Variants in HOXC13 observed in about 807,000 individuals in gnomAD.
HOXC13 encodes the protein homeobox C13.
HOXC13 carries 10 observed loss-of-function variants against 25.9 expected under a neutral mutation model. That is an observed-to-expected ratio of 0.39 (90% CI 0.24 to 0.65). The LOEUF is 0.65. Ranked by LOEUF, HOXC13 falls within the 30% of genes least tolerant of loss-of-function variation. The probability of loss-of-function intolerance (pLI) is 0.50; values close to 1 mark genes in which losing one functional copy is unlikely to be tolerated. For synonymous variants in HOXC13, 233 were observed against 217.1 expected, an observed-to-expected ratio of 1.07 and a Z score of -0.64; for missense variants, 439 against 478.3, an observed-to-expected ratio of 0.92 and a Z score of 0.77.
chr12:53,939,326 G>T lies in HOXC13; in HGVS notation c.420G>T (p.Leu140=). ...YGCRLSHNVN[L]QQKPCAYHPG... The stretch of plus-strand genomic sequence containing the variant: ...GCCGCCTGTCGCACAACGTGAACCT[G>T]CAGCAGAAGCCTTGCGCCTACCACC... Residue 140 remains leucine, a synonymous_variant, in exon 1 of 2, where the codon CTG becomes CTT. Transcript: ENST00000243056. This position sits in a 1 kb window ranked among gnomAD's most constrained non-coding sequence, Gnocchi z 6.7. 1.3e-6 allele frequency: 2 copies of T among 1,594,756 alleles called. No homozygotes were observed. Among genetic ancestry groups the T allele is most frequent in the Non-Finnish European group, 1.7e-6 (2 of 1,171,938 alleles).
rs756131572 is a variant in HOXC13 at position 53,939,568 on chromosome 12, A to G, written c.662A>G (p.Asn221Ser). Residue 221 changes from asparagine (N) to serine (S), a missense_variant, in exon 1 of 2, where the codon AAT (asparagine) becomes AGT (serine). Transcript: ENST00000243056. This position sits in a 1 kb window ranked among gnomAD's most constrained non-coding sequence, Gnocchi z 6.7. ...VEGYQHWALSNGWDSQVYCSK... is the reference protein window; with the variant it reads ...VEGYQHWALSSGWDSQVYCSK... ...GGCTACCAGCACTGGGCTCTCTCCA[A>G]TGGCTGGGACAGTCAGGTGTACTGC... is the stretch of plus-strand genomic sequence containing the variant. 4.3e-6 allele frequency: 7 copies of G among 1,611,406 alleles called. No individual in the cohort carries two copies. The highest frequency in any genetic ancestry group is 5.9e-6 in the Non-Finnish European group (7 of 1,179,356).
rs918672558 is a variant in HOXC13 at position 53,945,407 on chromosome 12, G to A, written c.*151G>A. On this transcript the variant is annotated 3_prime_UTR_variant, in exon 2 of 2. Transcript: ENST00000243056. The surrounding 1 kb of genome is among the most constrained non-coding windows in gnomAD (Gnocchi z 4.4). The stretch of plus-strand genomic sequence containing the variant: ...CCGGAGGCAGAGAGGCTCCATGGCC[G>A]TGCTGCTGGGCCATCCCCAACTCCC... 23 of 868,242 alleles carry A rather than the reference G, an allele frequency of 2.6e-5. No homozygotes were observed. The African/African-American group carries it at 3.3e-4, about 13-fold the overall frequency. 53.8% of individuals were successfully genotyped at this position (868,242 alleles called of 1,614,324 possible).
rs1331677401 is a variant in HOXC13, at chr12:53,938,910, A to AC, written c.5dup (p.Thr3AspfsTer18). 6.4e-7 allele frequency: 1 copy of AC among 1,556,554 alleles called. No homozygotes were observed. Among genetic ancestry groups the AC allele is most frequent in the South Asian group, 1.2e-5 (1 of 86,618 alleles). On this transcript the variant is annotated frameshift_variant, in exon 1 of 2. Coordinates refer to ENST00000243056, the MANE Select transcript of HOXC13 (RefSeq NM_017410.3). LOFTEE classifies it high-confidence loss of function. ...AAAAGCTCCAGCAGATCATGTCATGACGACTTCGCTGCTCCTGCATCCACG... is the reference window on the plus strand; with the variant it reads ...AAAAGCTCCAGCAGATCATGTCATGACCGACTTCGCTGCTCCTGCATCCACG...
intron 1 of HOXC13, among the ~76,000 whole-genome samples, chr12:53,943,587 C>CT (rs3037794): frequency 2.0e-5 from 3 of 151,866 alleles, no homozygotes; most frequent in Non-Finnish European, 4.4e-5. Flanking sequence ...CATTGGACCC[C>CT]GTCTCCCATT....
At chr12:53,942,199 A>G (rs1938623218) in intron 1 of HOXC13, among the ~76,000 whole-genome samples, 2 of 109,890 alleles carry the variant, frequency 1.8e-5, no homozygotes, top group Non-Finnish European at 3.4e-5. Context: ...TTTGAGAGAG[A>G]GAGAGAAGCA....
In HOXC13 at chr12:53,939,749, G is replaced by T. The variant is rs369008560; in HGVS notation, c.736+107G>T. On this transcript the variant is annotated intron_variant, in intron 1 of 1. Transcript: ENST00000243056. The surrounding 1 kb of genome is among the most constrained non-coding windows in gnomAD (Gnocchi z 6.7). ...CCCGCCGTCTGGCCCCGGCGCGCCC[G>T]CTCGGCTGGGCTGCCTATGGAGCCG... is the stretch of plus-strand genomic sequence containing the variant. The T allele has an allele frequency of 1.1e-5, 13 of 1,226,484 alleles. No homozygotes were observed. The highest frequency in any genetic ancestry group is 1.2e-5 in the Non-Finnish European group (12 of 980,636). 76.0% of individuals were successfully genotyped at this position (1,226,484 alleles called of 1,614,324 possible).
intron 1 of HOXC13, among the ~76,000 whole-genome samples, chr12:53,942,403 C>A (rs2136356806): frequency 9.3e-6 from 1 of 107,332 alleles, no homozygotes; most frequent in East Asian, 3.2e-4. Context: ...CAGAGCTTGC[C>A]TGTGGGGGGG....
Position 53,945,234 on chromosome 12 carries a change from C to T in HOXC13, c.971C>T (p.Ala324Val), listed in dbSNP as rs201149022. 1.2e-4 allele frequency: 189 copies of T among 1,614,096 alleles called. No homozygotes were observed. In the East Asian group the frequency reaches 3.8e-3, roughly 33 times the overall value. ...KEKKVVSKSK[A>V]PHLHST ...AAGAAGGTGGTCAGCAAATCGAAAG[C>T]GCCTCATCTCCACTCCACCTGACCA... Residue 324 changes from alanine (A) to valine (V), a missense_variant, in exon 2 of 2, where the codon GCG becomes GTG. Transcript: ENST00000243056. The surrounding 1 kb of genome is among the most constrained non-coding windows in gnomAD (Gnocchi z 4.4).
In HOXC13 at chr12:53,944,334, C is replaced by T. The variant is rs559653294; in HGVS notation, c.737-666C>T. Among the ~76,000 whole-genome samples the T allele has an allele frequency of 4.6e-5, 7 of 152,302 alleles. No homozygotes were observed. The South Asian group carries it at 1.5e-3, about 32-fold the overall frequency. ...CTGGCTTCACCTGGACACTTATCTT[C>T]TATCTGTGCCTCACATCCCTAACGT... On this transcript the variant is annotated intron_variant, in intron 1 of 1. Coordinates refer to ENST00000243056, the MANE Select transcript of HOXC13 (RefSeq NM_017410.3).
intron 1 of HOXC13, among the ~76,000 whole-genome samples, chr12:53,942,408 G>C (rs1047234605): frequency 6.6e-6 from 1 of 151,552 alleles, no homozygotes; most frequent in Admixed American, 6.6e-5. Context: ...CTTGCCTGTG[G>C]GGGGGCGGGT....
chr12:53,940,767 G>A (rs994895359), intron 1 of HOXC13, among the ~76,000 whole-genome samples: 4 of 152,180 alleles, frequency 2.6e-5, no homozygotes, highest in Non-Finnish European at 5.9e-5. Context: ...TACCTACAGA[G>A]GTCTTTGGGG....
chr12:53,941,272 C>A (rs187795024), intron 1 of HOXC13, among the ~76,000 whole-genome samples: 1 of 152,344 alleles, frequency 6.6e-6, no homozygotes, highest in Non-Finnish European at 1.5e-5. Context: ...CTTTAATTCT[C>A]TATCTCACCA....
In HOXC13 at chr12:53,945,562, A is replaced by G. The variant is rs1051449251; in HGVS notation, c.*306A>G. 2.3e-5 allele frequency: 10 copies of G among 443,422 alleles called. No homozygotes were observed. In the Admixed American group the frequency reaches 2.9e-4, roughly 13 times the overall value. The allele number at this position is 443,422 out of a possible 1,614,324, so 27.5% of individuals were successfully genotyped here. A position where few individuals can be genotyped will look rare whatever the true frequency, so the allele number is the denominator to read the frequency against. On this transcript the variant is annotated 3_prime_UTR_variant, in exon 2 of 2. Transcript: ENST00000243056. The surrounding 1 kb of genome is among the most constrained non-coding windows in gnomAD (Gnocchi z 4.4). ...TACTCCTCCTTGCGCTCACCTTGCCAGAAAGTCTGGTGGCAGCGCAGAGCC... is the reference window on the plus strand; with the variant it reads ...TACTCCTCCTTGCGCTCACCTTGCCGGAAAGTCTGGTGGCAGCGCAGAGCC...
chr12:53,939,182 C>CTA lies in HOXC13; in HGVS notation c.279_280dup (p.Thr94IlefsTer46). ...CCCTGGGCGCCCCTCAGGGCGCCGT[C>CTA]TATACGGACATCCCGGCCCCGGAGG... is the stretch of plus-strand genomic sequence containing the variant. On this transcript the variant is annotated frameshift_variant, in exon 1 of 2. Transcript: ENST00000243056. LOFTEE classifies it high-confidence loss of function. The surrounding 1 kb of genome is among the most constrained non-coding windows in gnomAD (Gnocchi z 6.7). The CTA allele has an allele frequency of 6.6e-7, 1 of 1,519,326 alleles. No homozygotes were observed. Among genetic ancestry groups the CTA allele is most frequent in the Non-Finnish European group, 8.8e-7 (1 of 1,139,390 alleles). The allele number at this position is 1,519,326 out of a possible 1,614,324, so 94.1% of individuals were successfully genotyped here.
At position 53,945,003 on chromosome 12, in the gene HOXC13, T is replaced by C; in HGVS notation, c.740T>C (p.Val247Ala). Residue 247 changes from valine to alanine, a missense_variant, in exon 2 of 2, where the codon GTG becomes GCG. Physicochemically the swap from Val to Ala is moderately conservative, Grantham distance 64 (BLOSUM62 0). Coordinates refer to ENST00000243056, the MANE Select transcript of HOXC13 (RefSeq NM_017410.3). This position sits in a 1 kb window ranked among gnomAD's most constrained non-coding sequence, Gnocchi z 4.4. ...AHLWKSPFPD[V>A]VPLQPEVSSY... ...CGCTTGCCTTATCTCCCCGCAGACG[T>C]GGTTCCCCTGCAGCCCGAGGTGAGC... 2 of 1,613,580 alleles carry C rather than the reference T, an allele frequency of 1.2e-6. No homozygotes were observed. The highest frequency in any genetic ancestry group is 1.7e-6 in the Non-Finnish European group (2 of 1,179,918).
chr12:53,945,443 C>T lies in HOXC13; in HGVS notation c.*187C>T. ...CCATCCCCAACTCCCTATCCCATCCCCAGCCTCCACCCCCATCCAGATGGG... is the reference window on the plus strand; with the variant it reads ...CCATCCCCAACTCCCTATCCCATCCTCAGCCTCCACCCCCATCCAGATGGG... On this transcript the variant is annotated 3_prime_UTR_variant, in exon 2 of 2. Coordinates refer to ENST00000243056, the MANE Select transcript of HOXC13 (RefSeq NM_017410.3). The surrounding 1 kb of genome is among the most constrained non-coding windows in gnomAD (Gnocchi z 4.4). The T allele has an allele frequency of 1.5e-6, 1 of 649,784 alleles. No homozygotes were observed. Among genetic ancestry groups the T allele is most frequent in the South Asian group, 2.0e-5 (1 of 51,048 alleles). The allele number at this position is 649,784 out of a possible 1,614,324, so 40.3% of individuals were successfully genotyped here.
At chr12:53,942,937 T>C (rs776284203) in intron 1 of HOXC13, among the ~76,000 whole-genome samples, 40 of 152,158 alleles carry the variant, frequency 2.6e-4, no homozygotes, top group Non-Finnish European at 4.7e-4. Context: ...GAAACCAAAA[T>C]TGGATAGGTA....
At chr12:53,943,331 C>A (rs189263853) in intron 1 of HOXC13, among the ~76,000 whole-genome samples, 18 of 152,198 alleles carry the variant, frequency 1.2e-4, no homozygotes, top group Non-Finnish European at 1.9e-4. Flanking sequence ...GTCAACAAAT[C>A]GTCAATTTCC....
At chr12:53,942,841 A>T (rs760287706) in intron 1 of HOXC13, among the ~76,000 whole-genome samples, 1 of 152,332 alleles carries the variant, frequency 6.6e-6, no homozygotes, top group East Asian at 1.9e-4. Flanking sequence ...GAGAAAAATA[A>T]CCAGTTTAAA....
Sources: gnomAD v4.1 joint callset for allele counts (sites outside exome capture counted in the v4.1 genomes callset) on GRCh38, gnomAD v4.1.1 for gene constraint, Gnocchi (gnomAD v3.1) non-coding constraint, MANE v1.5 for transcripts, NCBI Gene and HGNC (gene_info 2026-07-23, HGNC 2026-07-21) for gene names.